The following RGS7 variants were observed in gnomAD, a reference collection of about 807,000 sequenced individuals.
RGS7 encodes the protein regulator of G protein signaling 7, also known as regulator of G-protein signaling 7.
In RGS7, 27 loss-of-function variants were observed where a neutral mutation model predicts 81.1. The observed-to-expected ratio is 0.33, with a 90% CI of 0.25 to 0.46. The LOEUF (loss-of-function observed/expected upper bound fraction) is 0.46. Ranked by LOEUF, RGS7 falls within the 20% of genes least tolerant of loss-of-function variation. The pLI, the probability that RGS7 is intolerant of heterozygous loss-of-function variation, is 1.00. For synonymous variants in RGS7, 208 were observed against 207.7 expected (o/e 1.00, Z -0.01); for missense variants, 396 against 607.4 (o/e 0.65, Z 3.66).
chr1:241,094,238 AACACACACACACAC>A (rs149481776), intron 3 of RGS7, among the ~76,000 whole-genome samples: 12 of 136,462 alleles, frequency 8.8e-5, no homozygotes, highest in Admixed American at 5.1e-4. Flanking sequence ...GACATACATA[AACACACACACACAC>A]ACACACACAC....
At chr1:241,355,622 T>C (rs1049589570) in intron 2 of RGS7, 77 bp downstream of exon 2, 3 of 1,248,350 alleles carry the variant, frequency 2.4e-6, no homozygotes, top group African/African-American at 1.5e-5. Flanking sequence ...AGTTGATACA[T>C]ACTCTGATCT....
intron 2 of RGS7, among the ~76,000 whole-genome samples, chr1:241,293,451 T>C (rs953272470): frequency 5.3e-5 from 8 of 152,250 alleles, no homozygotes; most frequent in Middle Eastern, 6.8e-3. Context: ...ATTGTTGTCA[T>C]AGGAGATGAC....
intron 3 of RGS7, among the ~76,000 whole-genome samples, chr1:241,063,204 GTTAC>G (rs2061839528): frequency 1.3e-5 from 2 of 152,182 alleles, no homozygotes; most frequent in South Asian, 4.1e-4. Context: ...AATGACAGTA[GTTAC>G]CACTGGGATG....
intron 6 of RGS7, among the ~76,000 whole-genome samples, chr1:240,893,612 AAC>A (rs970240113): frequency 2.0e-5 from 3 of 152,046 alleles, no homozygotes; most frequent in Non-Finnish European, 4.4e-5. Context: ...ATTAAAAAAA[AAC>A]AAAACTCCAA....
At chr1:240,832,923 C>T (rs563519934) in intron 9 of RGS7, among the ~76,000 whole-genome samples, 1 of 152,238 alleles carries the variant, frequency 6.6e-6, no homozygotes, top group African/African-American at 2.4e-5. Flanking sequence ...CTACTGCCCA[C>T]CCCCACAAAA....
At chr1:240,976,775 G>A (rs446934) in intron 4 of RGS7, among the ~76,000 whole-genome samples, 1 of 137,988 alleles carries the variant, frequency 7.2e-6, no homozygotes, top group South Asian at 2.5e-4. Flanking sequence ...ATCTATCATC[G>A]ATCTATCATC....
intron 9 of RGS7, among the ~76,000 whole-genome samples, chr1:240,842,754 C>A (rs758682519): frequency 1.4e-5 from 2 of 147,240 alleles, no homozygotes; most frequent in African/African-American, 5.4e-5. Context: ...TTTCTTTCTT[C>A]CTTCCTTCCT....
intron 2 of RGS7, among the ~76,000 whole-genome samples, chr1:241,205,740 C>T (rs1270596998): frequency 5.3e-5 from 8 of 151,916 alleles, no homozygotes; most frequent in Admixed American, 1.3e-4. Context: ...GGATTACAGG[C>T]GTGAGCCACT....
intron 6 of RGS7, among the ~76,000 whole-genome samples, chr1:240,918,715 A>T (rs1672995412): frequency 6.6e-6 from 1 of 152,110 alleles, no homozygotes; most frequent in Non-Finnish European, 1.5e-5. Flanking sequence ...TAAGCCAAAC[A>T]GAAGAAAACA....
At chr1:241,186,433 G>GT (rs895301395) in intron 2 of RGS7, 291 of 902,218 alleles carry the variant, frequency 3.2e-4, no homozygotes, top group African/African-American at 4.3e-4. Flanking sequence ...ATCTAAGATT[G>GT]TTTTTTTTCT....
intron 2 of RGS7, among the ~76,000 whole-genome samples, chr1:241,331,367 T>A (rs1303993267): frequency 6.6e-6 from 1 of 152,212 alleles, no homozygotes; most frequent in Non-Finnish European, 1.5e-5. Context: ...GTTTGAATCC[T>A]GGCTCTGCTA....
chr1:240,970,268 T>C (rs1682985267), intron 4 of RGS7, among the ~76,000 whole-genome samples: 1 of 152,166 alleles, frequency 6.6e-6, no homozygotes, highest in Admixed American at 6.5e-5. Context: ...TCTGAAATAA[T>C]GGCAGACATC....
At chr1:240,906,576 TG>T (rs1216893299) in intron 6 of RGS7, among the ~76,000 whole-genome samples, 7 of 152,218 alleles carry the variant, frequency 4.6e-5, no homozygotes, top group Non-Finnish European at 8.8e-5. Context: ...TACCTCCCTC[TG>T]GGGAATCCAA....
intron 2 of RGS7, among the ~76,000 whole-genome samples, chr1:241,201,059 C>A (rs2073463927): frequency 1.3e-5 from 2 of 152,190 alleles, no homozygotes; most frequent in African/African-American, 4.8e-5. Flanking sequence ...ATATTCTTTA[C>A]TTTGATTACC....
Position 241,327,139 on chromosome 1 carries a change from AAAG to A in RGS7, c.78+28557_78+28559del, listed in dbSNP as rs1234630658. Among the ~76,000 whole-genome samples the A allele has an allele frequency of 9.2e-4, 97 of 105,148 alleles. 8 individuals carry two copies. The highest frequency in any genetic ancestry group is 1.3e-3 in the Non-Finnish European group (59 of 44,262). 69.0% of individuals were successfully genotyped at this position (105,148 alleles called of 152,430 possible). On this transcript the variant is annotated intron_variant, in intron 2 of 18. Transcript: ENST00000440928. ...GAAAGAAAGAAAGAAAGAAAGAAAGAAAGAAAGGAAAGAAAGAAAGAAAGAAAC... is the reference window on the plus strand; with the variant it reads ...GAAAGAAAGAAAGAAAGAAAGAAAGAAAAGGAAAGAAAGAAAGAAAGAAAC...
chr1:241,114,689 G>T (rs1305902593), intron 2 of RGS7, among the ~76,000 whole-genome samples: 1 of 152,152 alleles, frequency 6.6e-6, no homozygotes, highest in African/African-American at 2.4e-5. Context: ...CTGTGTATAA[G>T]AATTGTCAAA....
chr1:240,992,095 A>G (rs535907475), intron 3 of RGS7, among the ~76,000 whole-genome samples: 5 of 152,344 alleles, frequency 3.3e-5, no homozygotes, highest in African/African-American at 1.2e-4. Context: ...GAGTACCAGC[A>G]TTGGTCAAGA....
At chr1:240,886,144 T>C (rs552847895) in intron 6 of RGS7, among the ~76,000 whole-genome samples, 2 of 152,350 alleles carry the variant, frequency 1.3e-5, no homozygotes, top group Non-Finnish European at 2.9e-5. Context: ...AATATTTCCA[T>C]GTAAATGTTC....
chr1:240,928,449 C>T (rs1674840805), intron 6 of RGS7, among the ~76,000 whole-genome samples: 1 of 152,094 alleles, frequency 6.6e-6, no homozygotes, highest in South Asian at 2.1e-4. Flanking sequence ...CTGTGTAGGC[C>T]ATGACATTTC....
Sources: gnomAD v4.1 joint callset for allele counts (sites outside exome capture counted in the v4.1 genomes callset) on GRCh38, gnomAD v4.1.1 for gene constraint, MANE v1.5 for transcripts, NCBI Gene and HGNC (gene_info 2026-07-23, HGNC 2026-07-21) for gene names.